RAD51B: variants seen among roughly 807,000 people sequenced by gnomAD.
RAD51B encodes DNA repair protein RAD51 homolog 2.
In RAD51B, 38 loss-of-function variants were observed where a neutral mutation model predicts 42.2. That is an observed-to-expected ratio of 0.90 (90% CI 0.70 to 1.18). The LOEUF (loss-of-function observed/expected upper bound fraction) is 1.18. Ranked by LOEUF, RAD51B falls within the 50% of genes most tolerant of loss-of-function variation. RAD51B has a pLI of 0.00. For synonymous variants in RAD51B, 154 were observed against 145.2 expected (o/e 1.06, Z -0.43); for missense variants, 373 against 400.7 (o/e 0.93, Z 0.59).
intron 11 of RAD51B, among the ~76,000 whole-genome samples, chr14:68,674,258 A>C (rs1157060892): frequency 6.6e-6 from 1 of 152,146 alleles, no homozygotes; most frequent in Non-Finnish European, 1.5e-5. Flanking sequence ...CACTATATAC[A>C]CATATATGCA....
intron 4 of RAD51B, among the ~76,000 whole-genome samples, chr14:67,844,298 C>T (rs1594987369): frequency 6.6e-6 from 1 of 151,200 alleles, no homozygotes; most frequent in Non-Finnish European, 1.5e-5. Flanking sequence ...GAACATGTAC[C>T]CTGTACAGAT....
chr14:68,279,710 C>T (rs3784098), intron 7 of RAD51B, among the ~76,000 whole-genome samples: 1,550 of 152,214 alleles, frequency 0.01, 30 homozygotes, highest in East Asian at 0.057. Context: ...TTGTACAGAG[C>T]AACCCATCCG....
At chr14:67,958,136 A>G (rs1313751570) in intron 7 of RAD51B, among the ~76,000 whole-genome samples, 1 of 152,184 alleles carries the variant, frequency 6.6e-6, no homozygotes, top group Admixed American at 6.5e-5. Context: ...TGTCTGTGTC[A>G]CATCATCTGC....
chr14:68,452,541 G>A (rs2085581980), intron 9 of RAD51B, among the ~76,000 whole-genome samples: 2 of 152,168 alleles, frequency 1.3e-5, no homozygotes, highest in African/African-American at 4.8e-5. Flanking sequence ...GTACAGTTCT[G>A]TAGCATGTGT....
intron 3 of RAD51B, among the ~76,000 whole-genome samples, chr14:67,825,981 C>T (rs7154635): frequency 3.9e-5 from 6 of 152,024 alleles, no homozygotes; most frequent in South Asian, 2.1e-4. Flanking sequence ...CTGCTTGCGT[C>T]GACCTCCCAA....
At chr14:67,887,861 G>A (rs144424690) in intron 7 of RAD51B, among the ~76,000 whole-genome samples, 106 of 152,300 alleles carry the variant, frequency 7.0e-4, no homozygotes, top group African/African-American at 1.7e-3. Context: ...CCTGCAAGAC[G>A]TAAGTGTGTA....
chr14:67,881,261 A>G (rs1336003081), intron 5 of RAD51B, among the ~76,000 whole-genome samples: 2 of 152,208 alleles, frequency 1.3e-5, no homozygotes, highest in African/African-American at 4.8e-5. Flanking sequence ...TAGCTTCACT[A>G]CTAAGGTAAA....
intron 7 of RAD51B, among the ~76,000 whole-genome samples, chr14:68,036,864 C>G (rs2076131196): frequency 6.6e-6 from 1 of 151,828 alleles, no homozygotes; most frequent in Non-Finnish European, 1.5e-5. Context: ...CTTGTTTGCC[C>G]TATGACAAAT....
intron 9 of RAD51B, among the ~76,000 whole-genome samples, chr14:68,447,777 T>C (rs2085456416): frequency 1.3e-5 from 2 of 152,200 alleles, no homozygotes; most frequent in African/African-American, 4.8e-5. Context: ...AAGTCCTTGA[T>C]GTCATTGCTT....
chr14:68,034,555 C>T (rs2076093020), intron 7 of RAD51B, among the ~76,000 whole-genome samples: 2 of 152,098 alleles, frequency 1.3e-5, no homozygotes, highest in African/African-American at 4.8e-5. Context: ...AAATGTGAGC[C>T]ATTGTGCCCA....
At chr14:68,592,060 G>C (rs2256994) in intron 10 of RAD51B, among the ~76,000 whole-genome samples, 1 of 152,062 alleles carries the variant, frequency 6.6e-6, no homozygotes, top group Non-Finnish European at 1.5e-5. Context: ...GAAGGATCTG[G>C]TCAAGCCATT....
intron 10 of RAD51B, among the ~76,000 whole-genome samples, chr14:68,607,913 G>A (rs897340887): frequency 3.3e-5 from 5 of 152,240 alleles, no homozygotes; most frequent in Non-Finnish European, 5.9e-5. Context: ...GAGGAAAGAA[G>A]AGCCAGGCCG....
At chr14:68,403,249 G>A (rs1444511932) in intron 8 of RAD51B, among the ~76,000 whole-genome samples, 5 of 152,068 alleles carry the variant, frequency 3.3e-5, no homozygotes, top group East Asian at 1.9e-4. Flanking sequence ...TATCCAGTCC[G>A]CTAAGGCCAT....
At chr14:68,336,544 T>C (rs1488828973) in intron 8 of RAD51B, among the ~76,000 whole-genome samples, 2 of 152,240 alleles carry the variant, frequency 1.3e-5, no homozygotes, top group African/African-American at 2.4e-5. Context: ...CATAGATTGC[T>C]ATTTTGATGC....
At chr14:68,087,845 TTATTATA>T (rs2077009581) in intron 7 of RAD51B, among the ~76,000 whole-genome samples, 2 of 126,386 alleles carry the variant, frequency 1.6e-5, no homozygotes, top group African/African-American at 3.3e-5. Context: ...AATTATATAA[TTATTATA>T]TATATAATTA....
rs1044235109 is a variant in RAD51B, at chr14:68,633,426, C to T, written c.1037-17355C>T. ...GCCTTCCCCCAAACGGCTGGCTCCC[C>T]CACTGCATTCGCATTCCCCCCACGA... On this transcript the variant is annotated intron_variant, in intron 10 of 11. Coordinates refer to the RAD51B transcript ENST00000488612. Among the ~76,000 whole-genome samples, 4 of 152,128 alleles carry T rather than the reference C, an allele frequency of 2.6e-5. No homozygotes were observed. In the South Asian group the frequency reaches 8.3e-4, roughly 32 times the overall value.
chr14:68,091,393 A>G (rs374830311), intron 7 of RAD51B, among the ~76,000 whole-genome samples: 1 of 152,174 alleles, frequency 6.6e-6, no homozygotes, highest in African/African-American at 2.4e-5. Flanking sequence ...TGATCGCCAT[A>G]CTAACTGGTG....
intron 7 of RAD51B, among the ~76,000 whole-genome samples, chr14:68,007,000 A>C (rs1389677232): frequency 6.6e-6 from 1 of 152,156 alleles, no homozygotes; most frequent in Non-Finnish European, 1.5e-5. Flanking sequence ...ATCATCCCAG[A>C]AAAAACCCTT....
chr14:68,288,257 G>A (rs1595664356), intron 7 of RAD51B, among the ~76,000 whole-genome samples: 2 of 152,238 alleles, frequency 1.3e-5, no homozygotes, highest in Middle Eastern at 3.4e-3. Flanking sequence ...CAATGCTTTG[G>A]GAAATGTTTT....
Sources: gnomAD v4.1 joint callset for allele counts (sites outside exome capture counted in the v4.1 genomes callset) on GRCh38, gnomAD v4.1.1 for gene constraint, MANE v1.5 for transcripts, NCBI Gene and HGNC (gene_info 2026-07-23, HGNC 2026-07-21) for gene names.